Variants in CFTR observed in about 807,000 individuals in gnomAD.
CFTR encodes cystic fibrosis transmembrane conductance regulator.
In CFTR, 181 loss-of-function variants were observed where a neutral mutation model predicts 171.6. That is an observed-to-expected ratio of 1.05 (90% CI 0.93 to 1.19). The LOEUF is 1.19. Ranked by LOEUF, CFTR falls within the 50% of genes most tolerant of loss-of-function variation. The probability of loss-of-function intolerance (pLI) is 0.00; values close to 1 mark genes in which losing one functional copy is unlikely to be tolerated. For missense variants in CFTR, 1,968 were observed against 1,734.7 expected, an observed-to-expected ratio of 1.13 and a Z score of -2.39; for synonymous variants, 583 against 608.0, an observed-to-expected ratio of 0.96 and a Z score of 0.60.
intron 24 of CFTR, among the ~76,000 whole-genome samples, chr7:117,660,413 C>T (rs529954815): frequency 4.0e-4 from 61 of 152,108 alleles, no homozygotes; most frequent in African/African-American, 1.4e-3. Flanking sequence ...GGTTGGATCA[C>T]CTGAGGTCAG....
intron 22 of CFTR, among the ~76,000 whole-genome samples, chr7:117,630,305 G>A (rs1375525823): frequency 6.6e-6 from 1 of 152,180 alleles, no homozygotes; most frequent in Non-Finnish European, 1.5e-5. Context: ...TTCAGAGGAG[G>A]AAGCAGTTAG....
intron 1 of CFTR, among the ~76,000 whole-genome samples, chr7:117,499,791 A>G (rs1427056394): frequency 1.3e-5 from 2 of 151,916 alleles, no homozygotes; most frequent in Non-Finnish European, 2.9e-5. Context: ...TCCTATCTCT[A>G]CAAAAACAAA....
At chr7:117,581,995 A>T (rs1407698663) in intron 11 of CFTR, among the ~76,000 whole-genome samples, 1 of 152,044 alleles carries the variant, frequency 6.6e-6, no homozygotes, top group Non-Finnish European at 1.5e-5. Flanking sequence ...GGCTCCAGCG[A>T]TTCACCTGCC....
chr7:117,612,048 TATATAC>T lies in CFTR; in HGVS notation c.3367+246_3367+251del, dbSNP rs1297776624. ...GTATATATATATATATATATATATATATATACATATATATATATAGTATTATCCCTG... is the reference window on the plus strand; with the variant it reads ...GTATATATATATATATATATATATATATATATATATATAGTATTATCCCTG... On this transcript the variant is annotated intron_variant, in intron 20 of 26. Coordinates refer to ENST00000003084, the MANE Select transcript of CFTR (RefSeq NM_000492.4). Among the ~76,000 whole-genome samples, 115 of 74,092 alleles carry T rather than the reference TATATAC, an allele frequency of 1.6e-3. 4 individuals are homozygous for T. The highest frequency in any genetic ancestry group is 4.9e-3 in the African/African-American group (80 of 16,214). The allele number at this position is 74,092 out of a possible 152,430, so 48.6% of individuals were successfully genotyped here.
chr7:117,641,427 A>G (rs1042083263), intron 22 of CFTR, among the ~76,000 whole-genome samples: 1 of 152,214 alleles, frequency 6.6e-6, no homozygotes, highest in African/African-American at 2.4e-5. Flanking sequence ...AAAGAAAACA[A>G]AACTGTCCTT....
chr7:117,628,484 T>C (rs943083222), intron 22 of CFTR, among the ~76,000 whole-genome samples: 19 of 152,142 alleles, frequency 1.2e-4, no homozygotes, highest in African/African-American at 4.6e-4. Context: ...GAGTATTATA[T>C]ATTTTGATTG....
chr7:117,537,857 T>C (rs1292654518), intron 7 of CFTR, among the ~76,000 whole-genome samples: 12 of 152,146 alleles, frequency 7.9e-5, no homozygotes, highest in Non-Finnish European at 1.8e-4. Flanking sequence ...TCACACTTGC[T>C]GAGTGCTCCA....
At chr7:117,560,149 C>G (rs760664813) in intron 11 of CFTR, among the ~76,000 whole-genome samples, 1 of 152,062 alleles carries the variant, frequency 6.6e-6, no homozygotes, top group Non-Finnish European at 1.5e-5. Flanking sequence ...TATTGTATCC[C>G]TGGCTTTGAA....
rs1799417369 is a variant in CFTR at position 117,559,485 on chromosome 7, A to G, written c.1414A>G (p.Met472Val). 2 of 1,607,524 alleles carry G rather than the reference A, an allele frequency of 1.2e-6. No homozygotes were observed. Among genetic ancestry groups the G allele is most frequent in the African/African-American group, 1.3e-5 (1 of 74,752 alleles). The change falls in exon 11 of 27, where the codon ATG becomes GTG. Residue 472 changes from methionine (M) to valine (V), a missense_variant. Transcript: ENST00000003084. ...AGKTSLLMVI[M>V]GELEPSEGKI... is the part of the protein sequence containing the mutation. ...CCAGACTTCACTTCTAATGGTGATT[A>G]TGGGAGAACTGGAGCCTTCAGAGGG... is the stretch of plus-strand genomic sequence containing the variant.
intron 11 of CFTR, among the ~76,000 whole-genome samples, chr7:117,579,020 G>A (rs1348978090): frequency 6.6e-6 from 1 of 151,854 alleles, no homozygotes; most frequent in East Asian, 1.9e-4. Flanking sequence ...TAAGATGGCT[G>A]GATAAGAGAT....
rs1472845986 is a variant in CFTR, at chr7:117,603,897, T to C, written c.2908+115T>C. ...TTGCACAGAGGCATGTGCCCTTTGT[T>C]GAACCTCCATTTGACTGGCATGCAC... On this transcript the variant is annotated intron_variant, in intron 17 of 26. Transcript: ENST00000003084. 1.3e-5 allele frequency: 14 copies of C among 1,087,680 alleles called. 1 individual carries two copies. In the Admixed American group the frequency reaches 2.2e-4, roughly 17 times the overall value. The allele number at this position is 1,087,680 out of a possible 1,614,324, so 67.4% of individuals were successfully genotyped here. A position where few individuals can be genotyped will look rare whatever the true frequency, so the allele number is the denominator to read the frequency against.
intron 15 of CFTR, among the ~76,000 whole-genome samples, chr7:117,598,235 G>A (rs1416679321): frequency 6.6e-6 from 1 of 152,162 alleles, no homozygotes; most frequent in Non-Finnish European, 1.5e-5. Context: ...TCTGTGGCTT[G>A]GATTCAGCTT....
chr7:117,663,509 TA>T (rs71148372), intron 24 of CFTR, among the ~76,000 whole-genome samples: 56,830 of 124,356 alleles, frequency 0.46, 12,480 homozygotes, highest in African/African-American at 0.65. Context: ...CTTGTCCAGC[TA>T]AAAAAAAAAA....
At chr7:117,625,143 T>G (rs982032999) in intron 21 of CFTR, among the ~76,000 whole-genome samples, 1 of 152,196 alleles carries the variant, frequency 6.6e-6, no homozygotes, top group Non-Finnish European at 1.5e-5. Flanking sequence ...AATGACTGTC[T>G]GCTCATATGC....
At position 117,509,162 on chromosome 7, in the gene CFTR, A is replaced by G. The variant is rs751161544; in HGVS notation, c.273+20A>G. 2 of 1,283,824 alleles carry G rather than the reference A, an allele frequency of 1.6e-6. No homozygotes were observed. Among genetic ancestry groups the G allele is most frequent in the South Asian group, 1.2e-5 (1 of 84,464 alleles). The allele number at this position is 1,283,824 out of a possible 1,614,324, so 79.5% of individuals were successfully genotyped here. A position where few individuals can be genotyped will look rare whatever the true frequency, so the allele number is the denominator to read the frequency against. On this transcript the variant is annotated intron_variant, in intron 3 of 26. Transcript: ENST00000003084. ...TTAGGGGTAAGGATCTCATTTGTAC[A>G]TTCATTATGTATCACATAACTATAT...
Position 117,548,820 on chromosome 7 carries a change from C to T in CFTR, c.1389C>T (p.Gly463=). The part of the protein sequence containing the change: ...LLAVAGSTGA[G]KTSLLMVIMG... Reference sequence around the variant, plus strand: ...CGGTTGCTGGATCCACTGGAGCAGGCAAGGTAGTTCTTTTGTTCTTCACTA... The same window carrying T: ...CGGTTGCTGGATCCACTGGAGCAGGTAAGGTAGTTCTTTTGTTCTTCACTA... The change falls in exon 10 of 27, where the codon GGC becomes GGT. Residue 463 remains glycine, a synonymous_variant. Transcript: ENST00000003084. 6.2e-7 allele frequency: 1 copy of T among 1,608,922 alleles called. No individual in the cohort carries two copies. Among genetic ancestry groups the T allele is most frequent in the Non-Finnish European group, 8.5e-7 (1 of 1,176,990 alleles).
rs572505395 is a variant in CFTR, at chr7:117,532,625, C to A, written c.489+1511C>A. Among the ~76,000 whole-genome samples the A allele has an allele frequency of 1.1e-4, 17 of 152,108 alleles. No homozygotes were observed. The South Asian group carries it at 1.5e-3, about 13-fold the overall frequency. ...ACGGGTGTAGAGATCAAATAAGGGGCAGGTTAGTTTGTAAACATGTCCATA... is the reference window on the plus strand; with the variant it reads ...ACGGGTGTAGAGATCAAATAAGGGGAAGGTTAGTTTGTAAACATGTCCATA... On this transcript the variant is annotated intron_variant, in intron 4 of 26. Coordinates refer to ENST00000003084, the MANE Select transcript of CFTR (RefSeq NM_000492.4).
intron 24 of CFTR, among the ~76,000 whole-genome samples, chr7:117,661,936 A>C (rs894824261): frequency 1.4e-5 from 2 of 147,440 alleles, no homozygotes; most frequent in Non-Finnish European, 3.0e-5. Flanking sequence ...GTTTGACTCT[A>C]GAGCTGCAGT....
At position 117,514,892 on chromosome 7, in the gene CFTR, C is replaced by T. The variant is rs866190193; in HGVS notation, c.273+5750C>T. Among the ~76,000 whole-genome samples the T allele has an allele frequency of 1.4e-4, 22 of 152,252 alleles. No homozygotes were observed. In the South Asian group the frequency reaches 1.9e-3, roughly 13 times the overall value. ...GGTATCTCATTGTGGTTTTGATTTGCATTTATCTGATGATCAGTGATGCTG... is the reference window on the plus strand; with the variant it reads ...GGTATCTCATTGTGGTTTTGATTTGTATTTATCTGATGATCAGTGATGCTG... On this transcript the variant is annotated intron_variant, in intron 3 of 26. Coordinates refer to ENST00000003084, the MANE Select transcript of CFTR (RefSeq NM_000492.4).
Sources: gnomAD v4.1 joint callset for allele counts (sites outside exome capture counted in the v4.1 genomes callset) on GRCh38, gnomAD v4.1.1 for gene constraint, MANE v1.5 for transcripts, NCBI Gene and HGNC (gene_info 2026-07-23, HGNC 2026-07-21) for gene names.